Variants in CADPS2 observed in about 807,000 individuals in gnomAD.
The protein encoded by CADPS2 is calcium-dependent secretion activator 2.
In CADPS2, 93 loss-of-function variants were observed where a neutral mutation model predicts 172.5. That is an observed-to-expected ratio of 0.54 (90% confidence interval 0.46 to 0.64). CADPS2 has a LOEUF of 0.64. Among genes scored for constraint, CADPS2 ranks in the 30% least tolerant of loss-of-function variants. The pLI, the probability that CADPS2 is intolerant of heterozygous loss-of-function variation, is 0.00. For missense variants in CADPS2, 1,420 were observed against 1,565.9 expected, an observed-to-expected ratio of 0.91 and a Z score of 1.57; for synonymous variants, 546 against 555.2, an observed-to-expected ratio of 0.98 and a Z score of 0.23.
chr7:122,820,556 GTTTTTTT>G lies in CADPS2; in HGVS notation c.339+65436_339+65442del, dbSNP rs551121404. ...TTGACCTTACTGTTTTTTGTTTTTT[GTTTTTTT>G]TTTTTTTTTTTTTTGAGACGGAGTC... On this transcript the variant is annotated intron_variant, in intron 1 of 29. Transcript: ENST00000449022. Among the ~76,000 whole-genome samples, 335 of 86,528 alleles carry G rather than the reference GTTTTTTT, an allele frequency of 3.9e-3. 30 individuals are homozygous for G. Among genetic ancestry groups the G allele is most frequent in the Non-Finnish European group, 4.9e-3 (216 of 44,504 alleles). 56.8% of individuals were successfully genotyped at this position (86,528 alleles called of 152,430 possible).
intron 6 of CADPS2, among the ~76,000 whole-genome samples, chr7:122,588,855 A>T (rs2070242314): frequency 6.6e-6 from 1 of 151,956 alleles, no homozygotes; most frequent in Admixed American, 6.6e-5. Context: ...CAAACTCATT[A>T]TGATGAATCA....
chr7:122,571,745 A>G (rs1410788385), intron 7 of CADPS2, among the ~76,000 whole-genome samples: 1 of 152,182 alleles, frequency 6.6e-6, no homozygotes, highest in Non-Finnish European at 1.5e-5. Flanking sequence ...ATAAAGTCTC[A>G]TGAAGAATTG....
intron 3 of CADPS2, among the ~76,000 whole-genome samples, chr7:122,637,083 C>T (rs1345122181): frequency 6.8e-6 from 1 of 146,018 alleles, no homozygotes; most frequent in Non-Finnish European, 1.5e-5. Flanking sequence ...ACAAAGCTGA[C>T]TTGAAGAACT....
At chr7:122,373,493 G>A (rs1237647365) in intron 25 of CADPS2, among the ~76,000 whole-genome samples, 1 of 152,156 alleles carries the variant, frequency 6.6e-6, no homozygotes, top group African/African-American at 2.4e-5. Context: ...TATCCTGCCT[G>A]TGGACCCTGG....
At chr7:122,871,707 A>G (rs1819800311) in intron 1 of CADPS2, among the ~76,000 whole-genome samples, 1 of 152,090 alleles carries the variant, frequency 6.6e-6, no homozygotes, top group African/African-American at 2.4e-5. Flanking sequence ...GCAAAATCCA[A>G]TTAACATTTT....
At chr7:122,821,518 T>C (rs1803285014) in intron 1 of CADPS2, among the ~76,000 whole-genome samples, 1 of 152,098 alleles carries the variant, frequency 6.6e-6, no homozygotes, top group South Asian at 2.1e-4. Context: ...TAAAATACCT[T>C]TTAATCTAGG....
At chr7:122,499,877 A>T (rs2059054736) in intron 9 of CADPS2, among the ~76,000 whole-genome samples, 1 of 152,016 alleles carries the variant, frequency 6.6e-6, no homozygotes, top group African/African-American at 2.4e-5. Flanking sequence ...TCTTATTTGG[A>T]AGAATCTTAA....
intron 1 of CADPS2, among the ~76,000 whole-genome samples, chr7:122,813,756 C>T (rs773213415): frequency 2.0e-5 from 3 of 151,918 alleles, no homozygotes; most frequent in Non-Finnish European, 4.4e-5. Context: ...TAGTAGAGCA[C>T]AATAAAAGAC....
At chr7:122,446,318 AT>A (rs1384338805) in intron 15 of CADPS2, among the ~76,000 whole-genome samples, 1 of 152,074 alleles carries the variant, frequency 6.6e-6, no homozygotes, top group Non-Finnish European at 1.5e-5. Context: ...ATGTCTAGAT[AT>A]TTTTGTATTC....
intron 1 of CADPS2, among the ~76,000 whole-genome samples, chr7:122,740,599 C>G (rs2092414176): frequency 6.6e-6 from 1 of 151,960 alleles, no homozygotes. Flanking sequence ...ACCATCCACT[C>G]AAGCTCAATT....
intron 2 of CADPS2, among the ~76,000 whole-genome samples, chr7:122,666,744 G>A (rs2081233479): frequency 6.6e-6 from 1 of 152,128 alleles, no homozygotes; most frequent in Admixed American, 6.5e-5. Flanking sequence ...GAAGGCATGT[G>A]GCAGCAACCC....
intron 1 of CADPS2, among the ~76,000 whole-genome samples, chr7:122,809,916 A>C (rs1171150966): frequency 6.6e-6 from 1 of 152,192 alleles, no homozygotes; most frequent in Non-Finnish European, 1.5e-5. Flanking sequence ...AGTCATTCAA[A>C]GGTACTAATG....
At chr7:122,704,137 C>T (rs1471393819) in intron 2 of CADPS2, among the ~76,000 whole-genome samples, 1 of 152,046 alleles carries the variant, frequency 6.6e-6, no homozygotes, top group Non-Finnish European at 1.5e-5. Flanking sequence ...TGGACATGAA[C>T]ATTTAATCAT....
At chr7:122,366,405 C>T (rs1204973713) in intron 25 of CADPS2, among the ~76,000 whole-genome samples, 1 of 148,812 alleles carries the variant, frequency 6.7e-6, no homozygotes, top group Non-Finnish European at 1.5e-5. Context: ...GCATTTGAGA[C>T]CAGCCTGGCC....
chr7:122,452,445 C>G (rs1586186695), intron 14 of CADPS2, among the ~76,000 whole-genome samples: 1 of 152,182 alleles, frequency 6.6e-6, no homozygotes, highest in South Asian at 2.1e-4. Context: ...GCCCAGGCTG[C>G]AGTGCAATGG....
intron 19 of CADPS2, among the ~76,000 whole-genome samples, chr7:122,411,831 C>A (rs1270150299): frequency 1.3e-5 from 2 of 152,276 alleles, no homozygotes; most frequent in South Asian, 4.1e-4. Flanking sequence ...GACGAATGAA[C>A]AGGTGACACC....
chr7:122,811,746 C>G (rs1005057957), intron 1 of CADPS2, among the ~76,000 whole-genome samples: 4 of 152,064 alleles, frequency 2.6e-5, no homozygotes, highest in Admixed American at 2.0e-4. Flanking sequence ...GTACCTTGTT[C>G]TCCTATGTCA....
intron 2 of CADPS2, among the ~76,000 whole-genome samples, chr7:122,734,677 GA>G (rs2092016035): frequency 6.6e-6 from 1 of 151,894 alleles, no homozygotes; most frequent in African/African-American, 2.4e-5. Flanking sequence ...GGCATTTTGG[GA>G]AAAAAATTGA....
intron 6 of CADPS2, among the ~76,000 whole-genome samples, chr7:122,598,506 GA>G (rs1450546939): frequency 2.0e-5 from 3 of 152,048 alleles, no homozygotes; most frequent in African/African-American, 7.2e-5. Flanking sequence ...TTGGGCCACA[GA>G]AAGTGATTCG....
Sources: allele counts gnomAD v4.1 joint callset (sites outside exome capture counted in the v4.1 genomes callset), GRCh38; gene constraint gnomAD v4.1.1; transcripts MANE v1.5; gene names NCBI Gene and HGNC (gene_info 2026-07-23, HGNC 2026-07-21).